The following SLIT3 variants were observed in gnomAD, a reference collection of about 807,000 sequenced individuals.
SLIT3 encodes slit homolog 3 protein.
A neutral mutation model predicts 184.0 loss-of-function variants in SLIT3; 68 were observed. That is an observed-to-expected ratio of 0.37 (90% CI 0.30 to 0.45). SLIT3 has a LOEUF of 0.45. Ranked by LOEUF, SLIT3 falls within the 20% of genes least tolerant of loss-of-function variation. The probability of loss-of-function intolerance (pLI) is 1.00; values close to 1 mark genes in which losing one functional copy is unlikely to be tolerated. For missense variants in SLIT3, 1,707 were observed against 2,026.0 expected, an observed-to-expected ratio of 0.84 and a Z score of 3.02; for synonymous variants, 831 against 828.6, an observed-to-expected ratio of 1.00 and a Z score of -0.05.
At chr5:169,128,467 T>C (rs1407322590) in intron 4 of SLIT3, among the ~76,000 whole-genome samples, 2 of 152,066 alleles carry the variant, frequency 1.3e-5, no homozygotes, top group East Asian at 3.9e-4. Context: ...CACCCTGTTT[T>C]GCCCAGGCTG....
chr5:168,729,525 A>C (rs1313976809), intron 20 of SLIT3, among the ~76,000 whole-genome samples: 1 of 152,004 alleles, frequency 6.6e-6, no homozygotes, highest in Non-Finnish European at 1.5e-5. Flanking sequence ...CTGTCAGCCC[A>C]GAATTTTGTA....
intron 29 of SLIT3, among the ~76,000 whole-genome samples, chr5:168,691,138 C>T (rs17553085): frequency 0.15 from 22,918 of 152,176 alleles, 2,301 homozygotes; most frequent in Non-Finnish European, 0.22. Flanking sequence ...TCTTCTTCCC[C>T]TAGGTCCATG....
At chr5:169,285,170 G>C (rs1767113360) in intron 1 of SLIT3, among the ~76,000 whole-genome samples, 1 of 152,142 alleles carries the variant, frequency 6.6e-6, no homozygotes, top group African/African-American at 2.4e-5. Context: ...TCCCACCTCA[G>C]CCTCCCAAAG....
intron 3 of SLIT3, among the ~76,000 whole-genome samples, chr5:169,233,338 T>C (rs1009814594): frequency 6.6e-6 from 1 of 152,284 alleles, no homozygotes; most frequent in East Asian, 1.9e-4. Context: ...TGGTATTTTT[T>C]GGTGCTATTG....
intron 4 of SLIT3, among the ~76,000 whole-genome samples, chr5:168,909,996 A>C (rs1201163154): frequency 6.6e-6 from 1 of 152,206 alleles, no homozygotes; most frequent in Non-Finnish European, 1.5e-5. Flanking sequence ...ACAAATCTGC[A>C]TTTCTCTTCT....
At chr5:169,114,848 C>T (rs1031004767) in intron 4 of SLIT3, among the ~76,000 whole-genome samples, 12 of 152,200 alleles carry the variant, frequency 7.9e-5, no homozygotes, top group African/African-American at 2.7e-4. Flanking sequence ...AGCTGGCAGC[C>T]GTGGGCTGTT....
At position 169,114,437 on chromosome 5, in the gene SLIT3, G is replaced by T. The variant is rs565828880; in HGVS notation, c.413+79042C>A. The stretch of plus-strand genomic sequence containing the variant: ...AGCAGCCTGGCTCAAAGGTCTGTAC[G>T]CCTCAACACTATTCTACACTGTCTC... On this transcript the variant is annotated intron_variant, in intron 4 of 35. Coordinates refer to ENST00000519560, the MANE Select transcript of SLIT3 (RefSeq NM_003062.4). Among the ~76,000 whole-genome samples, 11 of 152,276 alleles carry T rather than the reference G, an allele frequency of 7.2e-5. No individual in the cohort carries two copies. The South Asian group carries it at 1.7e-3, about 23-fold the overall frequency.
chr5:168,741,810 A>T lies in SLIT3; in HGVS notation c.2270+6492T>A, dbSNP rs532470730. Among the ~76,000 whole-genome samples, 9 of 146,078 alleles carry T rather than the reference A, an allele frequency of 6.2e-5. No homozygotes were observed. The East Asian group carries it at 1.0e-3, about 16-fold the overall frequency. On this transcript the variant is annotated intron_variant, in intron 20 of 35. Coordinates refer to ENST00000519560, the MANE Select transcript of SLIT3 (RefSeq NM_003062.4). ...TGCTGCACAAAGGGCTAAGTGCTTT[A>T]GTTATGTTATCTTAGTCACCCTCTG...
intron 6 of SLIT3, among the ~76,000 whole-genome samples, chr5:168,824,186 G>A (rs1375996402): frequency 2.0e-5 from 3 of 152,228 alleles, no homozygotes; most frequent in South Asian, 4.1e-4. Flanking sequence ...GATCCACCCC[G>A]CCTTGGCCTC....
At chr5:168,989,571 G>A (rs891779202) in intron 4 of SLIT3, among the ~76,000 whole-genome samples, 10 of 152,174 alleles carry the variant, frequency 6.6e-5, no homozygotes, top group African/African-American at 1.2e-4. Context: ...GTTCTAAAGC[G>A]CGAACTAGTT....
At chr5:169,269,301 G>A (rs751833699) in intron 1 of SLIT3, among the ~76,000 whole-genome samples, 8 of 152,322 alleles carry the variant, frequency 5.3e-5, no homozygotes, top group Middle Eastern at 3.4e-3. Flanking sequence ...TTGACTCCAC[G>A]CAACCGGCCT....
chr5:168,847,980 G>A (rs1758538543), intron 5 of SLIT3, among the ~76,000 whole-genome samples: 2 of 152,224 alleles, frequency 1.3e-5, no homozygotes, highest in African/African-American at 4.8e-5. Context: ...TGCAAAAAGG[G>A]CTTTGGAAAT....
At chr5:168,948,313 C>G (rs1009282575) in intron 4 of SLIT3, among the ~76,000 whole-genome samples, 1 of 152,248 alleles carries the variant, frequency 6.6e-6, no homozygotes, top group South Asian at 2.1e-4. Context: ...CAAACGGGGG[C>G]TGTGGATTTT....
intron 20 of SLIT3, among the ~76,000 whole-genome samples, chr5:168,726,754 T>C (rs759512404): frequency 1.3e-5 from 2 of 151,768 alleles, no homozygotes; most frequent in Non-Finnish European, 2.9e-5. Context: ...ATGTGGATCA[T>C]TTGAGGTCAG....
rs528829227 is a variant in SLIT3 at position 168,861,637 on chromosome 5, T to C, written c.486-16982A>G. On this transcript the variant is annotated intron_variant, in intron 5 of 35. Transcript: ENST00000519560. ...GTCTACCAAGAAGACTCATCTTCCA[T>C]GACAACGAACAATTCACCAGAGAAA... Among the ~76,000 whole-genome samples the C allele has an allele frequency of 2.0e-5, 3 of 152,292 alleles. No homozygotes were observed. In the East Asian group the frequency reaches 5.8e-4, roughly 29 times the overall value.
chr5:169,214,847 T>C (rs1279272113), intron 3 of SLIT3, among the ~76,000 whole-genome samples: 5 of 152,174 alleles, frequency 3.3e-5, no homozygotes, highest in Admixed American at 2.6e-4. Context: ...TTGACACTCA[T>C]GATGTGCAAT....
At chr5:168,996,730 C>T (rs1755522151) in intron 4 of SLIT3, among the ~76,000 whole-genome samples, 1 of 152,168 alleles carries the variant, frequency 6.6e-6, no homozygotes, top group Non-Finnish European at 1.5e-5. Flanking sequence ...GACTTGGCAT[C>T]AGGTCATCCA....
In SLIT3 at chr5:169,044,587, T is replaced by TGG. The variant is rs57256659; in HGVS notation, c.413+148890_413+148891dup. On this transcript the variant is annotated intron_variant, in intron 4 of 35. Coordinates refer to ENST00000519560, the MANE Select transcript of SLIT3 (RefSeq NM_003062.4). ...GTATTTGCTGGGGGCTGGAGGAAGG[T>TGG]GGGGGGGGGGATGGGGAGAAATTGT... 4.9e-3 allele frequency among the ~76,000 whole-genome samples: 346 copies of TGG among 70,680 alleles called. 4 individuals are homozygous for TGG. Among genetic ancestry groups the TGG allele is most frequent in the African/African-American group, 0.013 (310 of 23,678 alleles). 46.4% of individuals were successfully genotyped at this position (70,680 alleles called of 152,430 possible).
intron 1 of SLIT3, among the ~76,000 whole-genome samples, chr5:169,273,795 T>C (rs1766711954): frequency 6.6e-6 from 1 of 152,166 alleles, no homozygotes; most frequent in Non-Finnish European, 1.5e-5. Context: ...ATCTAGTGTG[T>C]GCAATGTTCT....
Sources: allele counts gnomAD v4.1 joint callset (sites outside exome capture counted in the v4.1 genomes callset), GRCh38; gene constraint gnomAD v4.1.1; transcripts MANE v1.5; gene names NCBI Gene and HGNC (gene_info 2026-07-23, HGNC 2026-07-21).